The following TAOK2 variants were observed in gnomAD, a reference collection of about 807,000 sequenced individuals.
TAOK2 encodes serine/threonine-protein kinase TAO2.
A neutral mutation model predicts 122.5 loss-of-function variants in TAOK2; 42 were observed. The ratio of observed to expected loss-of-function variants is 0.34; its 90% CI spans 0.27 to 0.44. The LOEUF is 0.44. Among genes scored for constraint, TAOK2 ranks in the 20% least tolerant of loss-of-function variants. The probability of loss-of-function intolerance (pLI) is 1.00; values close to 1 mark genes in which losing one functional copy is unlikely to be tolerated. For synonymous variants in TAOK2, 704 were observed against 677.6 expected (o/e 1.04, Z -0.61); for missense variants, 1,264 against 1,644.9 (o/e 0.77, Z 4.01).
In TAOK2 at chr16:29,974,297, G is replaced by C. The variant is rs2069386666; in HGVS notation, c.-387G>C. On this transcript the variant is annotated 5_prime_UTR_variant, in exon 1 of 16. Coordinates refer to ENST00000308893, the MANE Select transcript of TAOK2 (RefSeq NM_016151.4). ...CTGTTTCATAGAATTTCAAATATCA[G>C]GTTCAGGCCCCTGCGTGCACCAGTA... 6.6e-6 allele frequency: 1 copy of C among 152,666 alleles called. No individual in the cohort carries two copies. The highest frequency in any genetic ancestry group is 1.5e-5 in the Non-Finnish European group (1 of 68,060). 9.5% of individuals were successfully genotyped at this position (152,666 alleles called of 1,614,324 possible).
At chr16:29,981,292 C>T (rs2069606443) in intron 8 of TAOK2, 1 of 526,268 alleles carries the variant, frequency 1.9e-6, no homozygotes, top group East Asian at 3.0e-5. Flanking sequence ...CTGGAGGTTC[C>T]TTGAGGGTGG....
downstream of TAOK2, chr16:29,991,315 C>T: frequency 1.2e-6 from 2 of 1,609,726 alleles, no homozygotes; most frequent in Non-Finnish European, 1.7e-6. The surrounding 1 kb of genome is among the most constrained non-coding windows in gnomAD (Gnocchi z 5.6). Context: ...CCCCCTCCAG[C>T]CTGGCGTCAG....
rs1428613332 is a variant in TAOK2 at position 29,987,129 on chromosome 16, G to A, written c.2857G>A (p.Ala953Thr). 1.2e-6 allele frequency: 2 copies of A among 1,600,282 alleles called. No homozygotes were observed. Among genetic ancestry groups the A allele is most frequent in the Non-Finnish European group, 1.7e-6 (2 of 1,174,030 alleles). Residue 953 changes from alanine (A) to threonine (T), a missense_variant, in exon 16 of 16, where the codon GCC becomes ACC. Transcript: ENST00000308893. Reference protein sequence around the residue: ...LPGLLSHGLLAGLSFAVGSSS... With the variant: ...LPGLLSHGLLTGLSFAVGSSS... ...TGGACTCCTGTCCCATGGCCTCCTGGCCGGCCTCTCCTTTGCAGTGGGGTC... is the reference window on the plus strand; with the variant it reads ...TGGACTCCTGTCCCATGGCCTCCTGACCGGCCTCTCCTTTGCAGTGGGGTC...
intron 4 of TAOK2, 75 bp from the exon 5 acceptor site, chr16:29,978,724 C>A: frequency 6.4e-7 from 1 of 1,559,714 alleles, no homozygotes; most frequent in South Asian, 1.1e-5. Flanking sequence ...AGCTTGAGTA[C>A]AGGACAGTCA....
Position 29,979,362 on chromosome 16 carries a change from G to A in TAOK2, c.563+54G>A. The A allele has an allele frequency of 1.9e-6, 3 of 1,609,418 alleles. No homozygotes were observed. Among genetic ancestry groups the A allele is most frequent in the East Asian group, 4.5e-5 (2 of 44,820 alleles). On this transcript the variant is annotated intron_variant, in intron 7 of 15. Transcript: ENST00000308893. The surrounding 1 kb of genome is among the most constrained non-coding windows in gnomAD (Gnocchi z 4.1). ...AGACCTCCCAGGGATGTTGGGAGTA[G>A]GAGTGACAGGGTCTCGGCGGGTGAT...
chr16:29,981,632 A>G, intron 8 of TAOK2, 29 bp from the exon 9 acceptor site: 1 of 1,609,688 alleles, frequency 6.2e-7, no homozygotes, highest in Non-Finnish European at 8.5e-7. Flanking sequence ...GCCACCTCTC[A>G]CCTTCTTCCC....
downstream of TAOK2, chr16:29,988,853 G>C: frequency 4.1e-6 from 4 of 985,396 alleles, no homozygotes; most frequent in Non-Finnish European, 4.8e-6. Flanking sequence ...CAGCAGGATT[G>C]AGTGTGGGCC....
At chr16:29,982,373 A>T (rs2069644655) in intron 10 of TAOK2, among the ~76,000 whole-genome samples, 1 of 152,228 alleles carries the variant, frequency 6.6e-6, no homozygotes, top group African/African-American at 2.4e-5. Flanking sequence ...CCGTAGTTGG[A>T]AACTTCAGAT....
intron 8 of TAOK2, chr16:29,980,210 C>T (rs2069572827): frequency 6.6e-6 from 1 of 152,214 alleles, no homozygotes; most frequent in African/African-American, 2.4e-5. Context: ...CTCTGTCAGC[C>T]AGCACTATTG....
chr16:29,989,994 CTT>C (rs2069929735), downstream of TAOK2: 1 of 615,400 alleles, frequency 1.6e-6, no homozygotes, highest in South Asian at 2.1e-5. Flanking sequence ...TATTCTTTCT[CTT>C]AGTATTTTCT....
At chr16:29,978,934 C>G (rs762698203) in intron 5 of TAOK2, 40 bp from the exon 6 acceptor site, 2 of 1,613,674 alleles carry the variant, frequency 1.2e-6, no homozygotes, top group East Asian at 2.2e-5. Context: ...CAGTCCCACC[C>G]TTGCGCTCCC....
In TAOK2 at chr16:29,985,872, C is replaced by G; in HGVS notation, c.1992+11C>G. ...GACCTGCTGCGGGAGGTAGGCATCC[C>G]AATCTCTGTTCCCCTCCCGCTCACT... On this transcript the variant is annotated intron_variant, in intron 15 of 15. Transcript: ENST00000308893. This position sits in a 1 kb window ranked among gnomAD's most constrained non-coding sequence, Gnocchi z 6.9. The G allele has an allele frequency of 6.2e-7, 1 of 1,610,404 alleles. No individual in the cohort carries two copies. Among genetic ancestry groups the G allele is most frequent in the Non-Finnish European group, 8.5e-7 (1 of 1,179,108 alleles).
chr16:29,983,043 C>G (rs2150894205), intron 11 of TAOK2, 29 bp from the exon 12 acceptor site: 1 of 1,612,676 alleles, frequency 6.2e-7, no homozygotes, highest in East Asian at 2.2e-5. Context: ...TTCCCCTTCC[C>G]TGTCCAGCAG....
Position 29,986,503 on chromosome 16 carries a change from A to G in TAOK2, c.2231A>G (p.Lys744Arg). ...GTTCGCCAGCAGCCCAAGAGCCTCA[A>G]AGTACGTGCAGGCCAGCGCCCCCCG... Reference protein sequence around the residue: ...AQVRQQPKSLKVRAGQRPPGL... With the variant: ...AQVRQQPKSLRVRAGQRPPGL... Residue 744 changes from lysine (K) to arginine (R), a missense_variant, in exon 16 of 16, where the codon AAA (lysine) becomes AGA (arginine). Transcript: ENST00000308893. This position sits in a 1 kb window ranked among gnomAD's most constrained non-coding sequence, Gnocchi z 4.2. The G allele has an allele frequency of 6.2e-7, 1 of 1,609,530 alleles. No homozygotes were observed. Among genetic ancestry groups the G allele is most frequent in the African/African-American group, 1.3e-5 (1 of 74,842 alleles).
downstream of TAOK2, chr16:29,988,798 G>A (rs539291964): frequency 4.1e-6 from 4 of 985,406 alleles, no homozygotes; most frequent in African/African-American, 7.0e-5. Context: ...TCCACAGTAG[G>A]GGGTGCTGAG....
In TAOK2 at chr16:29,987,539, G is replaced by T. The variant is rs1316084619; in HGVS notation, c.3267G>T (p.Leu1089=). ...TATCTCGACTCTGGTTGCGGGTTCT[G>T]CTGCGCCTGTCACCCATGGCCTTCC... ...RGISRLWLRV[L]LRLSPMAFRA... Residue 1089 remains leucine, a synonymous_variant, in exon 16 of 16, where the codon CTG becomes CTT. Transcript: ENST00000308893. 6.2e-7 allele frequency: 1 copy of T among 1,612,060 alleles called. No individual in the cohort carries two copies. The highest frequency in any genetic ancestry group is 1.7e-5 in the Admixed American group (1 of 59,836).
At chr16:29,983,703 G>GT (rs755807040) in intron 13 of TAOK2, 39 bp downstream of exon 13, 2 of 1,577,662 alleles carry the variant, frequency 1.3e-6, no homozygotes, top group East Asian at 2.3e-5. Context: ...CTCGCTGTCT[G>GT]TTTTTTAAGT....
Position 29,987,485 on chromosome 16 carries a change from G to A in TAOK2, c.3213G>A (p.Arg1071=). 1.3e-6 allele frequency: 2 copies of A among 1,594,580 alleles called. No homozygotes were observed. Among genetic ancestry groups the A allele is most frequent in the Admixed American group, 1.7e-5 (1 of 57,654 alleles). ...VAMAAGGRWV[R]QQGPRVRRGI... Reference sequence around the variant, plus strand: ...TGGCAGCGGGGGGCAGATGGGTGCGGCAGCAGGGCCCCCGGGTGCGCCGGG... The same window carrying A: ...TGGCAGCGGGGGGCAGATGGGTGCGACAGCAGGGCCCCCGGGTGCGCCGGG... The change falls in exon 16 of 16, where the codon CGG becomes CGA. Residue 1071 remains arginine, a synonymous_variant. Coordinates refer to ENST00000308893, the MANE Select transcript of TAOK2 (RefSeq NM_016151.4).
In TAOK2 at chr16:29,986,817, C is replaced by T; in HGVS notation, c.2545C>T (p.Leu849Phe). ...VWGLPEEIEE[L>F]RVPSLVPQER... is the part of the protein sequence containing the mutation. ...GGGTCTGCCTGAGGAGATAGAGGAG[C>T]TTAGGGTGCCCTCCCTTGTACCCCA... The change falls in exon 16 of 16, where the codon CTT (leucine) becomes TTT (phenylalanine). Residue 849 changes from leucine to phenylalanine, a missense_variant. Coordinates refer to ENST00000308893, the MANE Select transcript of TAOK2 (RefSeq NM_016151.4). This position sits in a 1 kb window ranked among gnomAD's most constrained non-coding sequence, Gnocchi z 4.2. 6.2e-7 allele frequency: 1 copy of T among 1,613,900 alleles called. No homozygotes were observed. Among genetic ancestry groups the T allele is most frequent in the Non-Finnish European group, 8.5e-7 (1 of 1,179,874 alleles).
Sources: gnomAD v4.1 joint callset for allele counts (sites outside exome capture counted in the v4.1 genomes callset) on GRCh38, gnomAD v4.1.1 for gene constraint, Gnocchi (gnomAD v3.1) non-coding constraint, MANE v1.5 for transcripts, NCBI Gene and HGNC (gene_info 2026-07-23, HGNC 2026-07-21) for gene names.